The following ATRNL1 variants were observed in gnomAD, a reference collection of about 807,000 sequenced individuals.
The protein encoded by ATRNL1 is attractin-like protein 1.
ATRNL1 carries 95 observed loss-of-function variants against 182.7 expected under a neutral mutation model. The observed-to-expected ratio is 0.52, with a 90% confidence interval of 0.44 to 0.62. ATRNL1 has a LOEUF of 0.62. Ranked by LOEUF, ATRNL1 falls within the 20% of genes least tolerant of loss-of-function variation. The pLI, the probability that ATRNL1 is intolerant of heterozygous loss-of-function variation, is 0.00. For synonymous variants in ATRNL1, 576 were observed against 568.3 expected (o/e 1.01, Z -0.19); for missense variants, 1,471 against 1,679.5 (o/e 0.88, Z 2.17).
intron 28 of ATRNL1, among the ~76,000 whole-genome samples, chr10:115,879,301 A>T (rs551119374): frequency 0.013 from 1,784 of 141,912 alleles, 52 homozygotes; most frequent in African/African-American, 0.044. Flanking sequence ...GCAACTCTCT[A>T]TCTCAAAAAA....
At chr10:115,685,631 C>T (rs1946192462) in intron 26 of ATRNL1, among the ~76,000 whole-genome samples, 1 of 151,748 alleles carries the variant, frequency 6.6e-6, no homozygotes, top group African/African-American at 2.4e-5. Flanking sequence ...CATAGACAGT[C>T]TTTGTAGACA....
intron 26 of ATRNL1, among the ~76,000 whole-genome samples, chr10:115,564,719 A>G (rs555907482): frequency 6.6e-6 from 1 of 151,994 alleles, no homozygotes; most frequent in Admixed American, 6.6e-5. Flanking sequence ...TCTCCTCTCT[A>G]TAGCCAATCA....
chr10:115,398,954 T>G (rs937362976), intron 20 of ATRNL1, among the ~76,000 whole-genome samples: 13 of 152,120 alleles, frequency 8.5e-5, no homozygotes, highest in Non-Finnish European at 7.4e-5. Flanking sequence ...CTGCATCTAT[T>G]GAGATAATCA....
At chr10:115,153,933 G>T (rs1846373740) in intron 5 of ATRNL1, among the ~76,000 whole-genome samples, 2 of 151,706 alleles carry the variant, frequency 1.3e-5, no homozygotes, top group Non-Finnish European at 2.9e-5. Flanking sequence ...TTGGTTTCAA[G>T]AACATCTTTA....
intron 21 of ATRNL1, among the ~76,000 whole-genome samples, chr10:115,444,239 T>C (rs1231805609): frequency 6.6e-6 from 1 of 152,132 alleles, no homozygotes; most frequent in Non-Finnish European, 1.5e-5. Flanking sequence ...AATTGCCTTC[T>C]TAGACATGTT....
intron 26 of ATRNL1, among the ~76,000 whole-genome samples, chr10:115,654,104 A>G (rs1355206571): frequency 2.6e-5 from 4 of 152,236 alleles, no homozygotes; most frequent in Admixed American, 1.3e-4. Flanking sequence ...AAATCTATGC[A>G]GTCTGAAATA....
At chr10:115,401,743 A>G (rs1844574131) in intron 20 of ATRNL1, among the ~76,000 whole-genome samples, 1 of 152,178 alleles carries the variant, frequency 6.6e-6, no homozygotes, top group East Asian at 1.9e-4. Context: ...AAATAGTAAT[A>G]TAAGAGCCAG....
chr10:115,697,435 G>A (rs1555050189), intron 26 of ATRNL1, among the ~76,000 whole-genome samples: 1 of 151,848 alleles, frequency 6.6e-6, no homozygotes. Flanking sequence ...AAGCAATTCT[G>A]GCACCTCAGC....
intron 28 of ATRNL1, among the ~76,000 whole-genome samples, chr10:115,894,202 A>G (rs772579562): frequency 7.2e-5 from 11 of 152,144 alleles, no homozygotes; most frequent in Admixed American, 2.0e-4. Context: ...CTGTCCACAA[A>G]GTGGTTGGAG....
At chr10:115,608,963 G>A (rs1565210143) in intron 26 of ATRNL1, among the ~76,000 whole-genome samples, 1 of 151,810 alleles carries the variant, frequency 6.6e-6, no homozygotes, top group East Asian at 1.9e-4. Context: ...TAAATTTCCA[G>A]TTGTTTGGAT....
intron 19 of ATRNL1, among the ~76,000 whole-genome samples, chr10:115,365,652 G>T (rs1164020063): frequency 4.0e-5 from 6 of 150,668 alleles, no homozygotes; most frequent in African/African-American, 1.5e-4. Context: ...TCTCTTGTGG[G>T]CATTTAGTGC....
At chr10:115,228,800 T>C (rs1849807915) in intron 9 of ATRNL1, among the ~76,000 whole-genome samples, 1 of 150,066 alleles carries the variant, frequency 6.7e-6, no homozygotes, top group African/African-American at 2.4e-5. Context: ...AGTTTCGCTC[T>C]TGTTTCCCAG....
At chr10:115,694,931 ATG>A (rs201970404) in intron 26 of ATRNL1, among the ~76,000 whole-genome samples, 3 of 106,148 alleles carry the variant, frequency 2.8e-5, no homozygotes, top group East Asian at 8.0e-4. Context: ...ACACACACAC[ATG>A]CACACACGCA....
At position 115,215,755 on chromosome 10, in the gene ATRNL1, C is replaced by A; in HGVS notation, c.1407C>A (p.Gly469=). The A allele has an allele frequency of 6.2e-7, 1 of 1,608,690 alleles. No individual in the cohort carries two copies. Among genetic ancestry groups the A allele is most frequent in the Non-Finnish European group, 8.5e-7 (1 of 1,177,910 alleles). The change falls in exon 9 of 29, where the codon GGC becomes GGA. Residue 469 remains glycine (G), a synonymous_variant. Coordinates refer to ENST00000355044, the MANE Select transcript of ATRNL1 (RefSeq NM_207303.4). ...TKGAIVQGGY[G]HTSVYDEITK... The stretch of plus-strand genomic sequence containing the variant: ...GAGCTATTGTACAAGGTGGATATGG[C>A]CATACTAGTGTGTATGATGAAATAA...
chr10:115,213,315 G>C (rs1849104240), intron 8 of ATRNL1, among the ~76,000 whole-genome samples: 1 of 152,076 alleles, frequency 6.6e-6, no homozygotes, highest in Non-Finnish European at 1.5e-5. Flanking sequence ...TAGGCCTTGT[G>C]GGGAAGGGGA....
In ATRNL1 at chr10:115,751,873, A is replaced by G. The variant is rs1042776953; in HGVS notation, c.3903+24518A>G. 8.5e-5 allele frequency among the ~76,000 whole-genome samples: 13 copies of G among 152,136 alleles called. No individual in the cohort carries two copies. The East Asian group carries it at 2.5e-3, about 29-fold the overall frequency. On this transcript the variant is annotated intron_variant, in intron 27 of 28. Transcript: ENST00000355044. ...TTTTTAACAATAAAATGATAAACTA[A>G]AAAGTATTATTTGGGTTTTCTTTTC...
chr10:115,526,495 C>A (rs1851221660), intron 25 of ATRNL1, among the ~76,000 whole-genome samples: 1 of 152,192 alleles, frequency 6.6e-6, no homozygotes, highest in African/African-American at 2.4e-5. Flanking sequence ...CTTCCAAGCA[C>A]CTGAATTGCT....
chr10:115,528,019 T>TTCCTTCCC (rs1181477332), intron 25 of ATRNL1, among the ~76,000 whole-genome samples: 1 of 58,864 alleles, frequency 1.7e-5, no homozygotes, highest in South Asian at 6.8e-4. Flanking sequence ...CCTTCCTTCC[T>TTCCTTCCC]TCCTTCCCTC....
intron 25 of ATRNL1, among the ~76,000 whole-genome samples, chr10:115,537,165 C>T (rs770183626): frequency 2.6e-5 from 4 of 152,058 alleles, no homozygotes; most frequent in African/African-American, 4.8e-5. Context: ...ATATTTAATG[C>T]GGTGGGAGTA....
Sources: gnomAD v4.1 joint callset for allele counts (sites outside exome capture counted in the v4.1 genomes callset) on GRCh38, gnomAD v4.1.1 for gene constraint, MANE v1.5 for transcripts, NCBI Gene and HGNC (gene_info 2026-07-23, HGNC 2026-07-21) for gene names.